Variants in FANCI observed in about 807,000 individuals in gnomAD.
FANCI encodes Fanconi anemia group I protein.
Under a neutral mutation model 176.1 loss-of-function variants are expected in FANCI, and 156 were observed. That is an observed-to-expected ratio of 0.89 (90% CI 0.78 to 1.01). FANCI has a LOEUF of 1.01. Ranked by LOEUF, FANCI falls within the 50% of genes least tolerant of loss-of-function variation. The probability of loss-of-function intolerance (pLI) is 0.00; values close to 1 mark genes in which losing one functional copy is unlikely to be tolerated. For synonymous variants in FANCI, 613 were observed against 541.7 expected, an observed-to-expected ratio of 1.13 and a Z score of -1.83; for missense variants, 1,678 against 1,534.1, an observed-to-expected ratio of 1.09 and a Z score of -1.57.
At chr15:89,286,814 C>T (rs2053833545) in intron 18 of FANCI, among the ~76,000 whole-genome samples, 1 of 152,102 alleles carries the variant, frequency 6.6e-6, no homozygotes, top group Non-Finnish European at 1.5e-5. Flanking sequence ...CTTCTCCTCC[C>T]TAGCTAGGCA....
chr15:89,287,683 A>G (rs1366417385), intron 18 of FANCI, among the ~76,000 whole-genome samples: 2 of 151,850 alleles, frequency 1.3e-5, no homozygotes, highest in Non-Finnish European at 2.9e-5. Flanking sequence ...GAGACGTGCG[A>G]CTCTTCCTTT....
chr15:89,274,192 G>A lies in FANCI; in HGVS notation c.1000G>A (p.Val334Ile). Residue 334 changes from valine to isoleucine, a missense_variant, in exon 12 of 38, where the codon GTT (valine) becomes ATT (isoleucine). By Grantham distance (29) the Val-to-Ile change is conservative (BLOSUM62 3). This residue lies in a region of FANCI where 469 missense variants were observed against 436.9 expected (regional missense o/e 1.07). Coordinates refer to ENST00000310775, the MANE Select transcript of FANCI (RefSeq NM_001113378.2). Reference sequence around the variant, plus strand: ...GGTGCTTGATCTTTTAAAGACTTCGGTTGTAAAGAGCTTTAAGGATCTTCA... The same window carrying A: ...GGTGCTTGATCTTTTAAAGACTTCGATTGTAAAGAGCTTTAAGGATCTTCA... ...DQVLDLLKTSVVKSFKDLQLL... is the reference protein window; with the variant it reads ...DQVLDLLKTSIVKSFKDLQLL... 2 of 1,586,112 alleles carry A rather than the reference G, an allele frequency of 1.3e-6. No homozygotes were observed. Among genetic ancestry groups the A allele is most frequent in the Non-Finnish European group, 1.7e-6 (2 of 1,164,998 alleles).
chr15:89,280,741 A>T (rs1324223027), intron 14 of FANCI, among the ~76,000 whole-genome samples: 1 of 152,190 alleles, frequency 6.6e-6, no homozygotes, highest in East Asian at 1.9e-4. Flanking sequence ...TCTTTAAAAA[A>T]ATTTTTTTAC....
intron 20 of FANCI, 126 bp from the exon 21 acceptor site, chr15:89,292,562 A>T: frequency 1.1e-6 from 1 of 948,060 alleles, no homozygotes; most frequent in Non-Finnish European, 1.6e-6. Flanking sequence ...AGATGGACTT[A>T]ATTTGTAACG....
chr15:89,308,380 G>C (rs1300930179), intron 34 of FANCI, among the ~76,000 whole-genome samples: 1 of 152,188 alleles, frequency 6.6e-6, no homozygotes, highest in East Asian at 1.9e-4. Flanking sequence ...AGGAAGAAAC[G>C]AGAGATCTAC....
chr15:89,289,285 CCT>C (rs1226177357), intron 18 of FANCI, among the ~76,000 whole-genome samples: 3 of 151,918 alleles, frequency 2.0e-5, no homozygotes, highest in African/African-American at 7.3e-5. Context: ...GTTCCTTTCC[CCT>C]TTCCCCTTTT....
In FANCI at chr15:89,276,736, C is replaced by G. The variant is rs748470270; in HGVS notation, c.1138C>G (p.Gln380Glu). 5 of 1,614,190 alleles carry G rather than the reference C, an allele frequency of 3.1e-6. No individual in the cohort carries two copies. The East Asian group carries it at 1.1e-4, about 36-fold the overall frequency. ...CGTTCATAGCTGGGACCATGTTACTCAGGGCCTCGTAGAACTTGGTTTCAT... is the reference window on the plus strand; with the variant it reads ...CGTTCATAGCTGGGACCATGTTACTGAGGGCCTCGTAGAACTTGGTTTCAT... Reference protein sequence around the residue: ...NSVHSWDHVTQGLVELGFILM... With the variant: ...NSVHSWDHVTEGLVELGFILM... The change falls in exon 13 of 38, where the codon CAG becomes GAG. Residue 380 changes from glutamine to glutamate, a missense_variant. Coordinates refer to ENST00000310775, the MANE Select transcript of FANCI (RefSeq NM_001113378.2).
At chr15:89,263,527 C>G (rs1005341406) in intron 7 of FANCI, 67 bp downstream of exon 7, 2 of 1,290,550 alleles carry the variant, frequency 1.5e-6, no homozygotes, top group Admixed American at 1.7e-5. Flanking sequence ...AGAAATTAAA[C>G]TATAGCAAAC....
chr15:89,274,521 G>A (rs571824412), intron 12 of FANCI, among the ~76,000 whole-genome samples: 41 of 151,034 alleles, frequency 2.7e-4, no homozygotes, highest in African/African-American at 9.0e-4. Context: ...CACCTTGACA[G>A]CAAGCATACA....
At chr15:89,283,396 GAT>G in intron 17 of FANCI, 146 bp downstream of exon 17, 1 of 1,253,018 alleles carries the variant, frequency 8.0e-7, no homozygotes, top group Non-Finnish European at 1.1e-6. Flanking sequence ...TGCTGATGAT[GAT>G]GATGATGATG....
At chr15:89,255,135 C>A (rs1476479686) in intron 2 of FANCI, among the ~76,000 whole-genome samples, 2 of 152,126 alleles carry the variant, frequency 1.3e-5, no homozygotes, top group Non-Finnish European at 2.9e-5. Flanking sequence ...CTCAGTCTTT[C>A]CTTATCTCTG....
At chr15:89,268,052 C>G (rs1002330766) in intron 9 of FANCI, among the ~76,000 whole-genome samples, 1 of 152,188 alleles carries the variant, frequency 6.6e-6, no homozygotes, top group Non-Finnish European at 1.5e-5. Context: ...ACTTGCTCAT[C>G]GTAGCACCTG....
chr15:89,277,204 T>C (rs2053441247), intron 13 of FANCI, among the ~76,000 whole-genome samples: 1 of 152,212 alleles, frequency 6.6e-6, no homozygotes, highest in South Asian at 2.1e-4. Flanking sequence ...TTTCTAGTTT[T>C]TGTTTTGTTT....
chr15:89,244,091 C>A (rs908395877), intron 1 of FANCI, 58 bp downstream of exon 1: 10 of 152,484 alleles, frequency 6.6e-5, no homozygotes, highest in African/African-American at 2.4e-4. Context: ...GGGACTGGGC[C>A]CCTGGGAGGG....
chr15:89,264,897 A>C (rs990975167), intron 9 of FANCI, among the ~76,000 whole-genome samples: 29 of 152,224 alleles, frequency 1.9e-4, no homozygotes, highest in Admixed American at 1.6e-3. Context: ...ACCGTGCTGA[A>C]CCAGTCAGAC....
At chr15:89,279,915 C>A (rs2053551819) in intron 14 of FANCI, among the ~76,000 whole-genome samples, 1 of 152,160 alleles carries the variant, frequency 6.6e-6, no homozygotes, top group African/African-American at 2.4e-5. Flanking sequence ...GCTTTTTCTT[C>A]TCCCTGCAGC....
chr15:89,274,124 T>C, intron 11 of FANCI, 44 bp from the exon 12 acceptor site: 1 of 1,394,486 alleles, frequency 7.2e-7, no homozygotes, highest in Non-Finnish European at 9.8e-7. Flanking sequence ...GCTTGATCTT[T>C]TATTTATTTA....
chr15:89,292,699 G>T lies in FANCI; in HGVS notation c.2004G>T (p.Leu668=), dbSNP rs776524335. Residue 668 remains leucine (L), a synonymous_variant, in exon 21 of 38, where the codon CTG becomes CTT. Coordinates refer to ENST00000310775, the MANE Select transcript of FANCI (RefSeq NM_001113378.2). ...ISLQEPLDYL[L]CCIQHCLAWY... ...ATTTTCTCCTACAGGATTATCTGCTGTGTTGTATTCAGCATTGTTTGGCCT... is the reference window on the plus strand; with the variant it reads ...ATTTTCTCCTACAGGATTATCTGCTTTGTTGTATTCAGCATTGTTTGGCCT... The T allele has an allele frequency of 1.2e-6, 2 of 1,613,596 alleles. No individual in the cohort carries two copies. Among genetic ancestry groups the T allele is most frequent in the Middle Eastern group, 1.7e-4 (1 of 6,060 alleles).
intron 16 of FANCI, chr15:89,282,497 T>G (rs985614424): frequency 6.8e-5 from 11 of 162,588 alleles, no homozygotes; most frequent in Non-Finnish European, 1.4e-4. Flanking sequence ...ATTTGGTACT[T>G]TGAGGATAAG....
Sources: gnomAD v4.1 joint callset for allele counts (sites outside exome capture counted in the v4.1 genomes callset) on GRCh38, gnomAD v4.1.1 for gene constraint, gnomAD v4.1.1 regional missense constraint, MANE v1.5 for transcripts, NCBI Gene and HGNC (gene_info 2026-07-23, HGNC 2026-07-21) for gene names.